Variants in ARMH3 observed in about 807,000 individuals in gnomAD.
ARMH3 encodes armadillo like helical domain containing 3, also known as armadillo-like helical domain-containing protein 3.
In ARMH3, 60 loss-of-function variants were observed where a neutral mutation model predicts 99.1. The observed-to-expected ratio is 0.61, with a 90% CI of 0.49 to 0.75. The LOEUF (loss-of-function observed/expected upper bound fraction) is 0.75. Among genes scored for constraint, ARMH3 ranks in the 30% least tolerant of loss-of-function variants. The pLI is 0.00. For synonymous variants in ARMH3, 285 were observed against 292.8 expected (o/e 0.97, Z 0.27); for missense variants, 679 against 843.1 (o/e 0.81, Z 2.41).
At chr10:102,029,409 C>G in intron 5 of ARMH3, 7 of 1,496,778 alleles carry the variant, frequency 4.7e-6, no homozygotes, top group Non-Finnish European at 6.3e-6. Context: ...ATAAACTATT[C>G]TGTCTTTATC....
At position 101,847,275 on chromosome 10, in the gene ARMH3, ACT is replaced by A; in HGVS notation, c.*251_*252del. 2.3e-6 allele frequency: 1 copy of A among 441,816 alleles called. No individual in the cohort carries two copies. Among genetic ancestry groups the A allele is most frequent in the Non-Finnish European group, 4.2e-6 (1 of 240,892 alleles). 27.4% of individuals were successfully genotyped at this position (441,816 alleles called of 1,614,324 possible). A position where few individuals can be genotyped will look rare whatever the true frequency, so the allele number is the denominator to read the frequency against. On this transcript the variant is annotated 3_prime_UTR_variant, in exon 26 of 26. Coordinates refer to ENST00000370033, the MANE Select transcript of ARMH3 (RefSeq NM_024541.3). ...ATGTGAGGGGCTGTTTAGGGAGCCC[ACT>A]CTGGAAGTCCCCACATTCCTGGAGG...
intron 23 of ARMH3, among the ~76,000 whole-genome samples, chr10:101,893,202 T>C (rs919535588): frequency 6.6e-6 from 1 of 152,148 alleles, no homozygotes; most frequent in Non-Finnish European, 1.5e-5. Context: ...GTCTGAGTCA[T>C]AGGGTTTAGT....
At chr10:101,945,313 G>A (rs1039398245) in intron 22 of ARMH3, among the ~76,000 whole-genome samples, 5 of 152,196 alleles carry the variant, frequency 3.3e-5, no homozygotes, top group African/African-American at 9.6e-5. Flanking sequence ...CAGGCGCAGT[G>A]CCTCGTGCCT....
At chr10:102,019,396 T>C (rs2066825246) in intron 8 of ARMH3, among the ~76,000 whole-genome samples, 1 of 151,698 alleles carries the variant, frequency 6.6e-6, no homozygotes, top group Admixed American at 6.6e-5. Flanking sequence ...CTTCTACTTA[T>C]TTAAAAAAAA....
intron 13 of ARMH3, among the ~76,000 whole-genome samples, chr10:102,007,833 CAA>C (rs529858697): frequency 6.3e-3 from 310 of 48,980 alleles, no homozygotes; most frequent in South Asian, 0.02. Flanking sequence ...ACACCATCTC[CAA>C]AAAAAAAAAA....
chr10:102,013,691 G>A lies in ARMH3; in HGVS notation c.726+277C>T, dbSNP rs192837271. ...CTTGAATGTGTAATTTATTGACATCGTAGGATAATCAACTTCAGCACACTA... is the reference window on the plus strand; with the variant it reads ...CTTGAATGTGTAATTTATTGACATCATAGGATAATCAACTTCAGCACACTA... On this transcript the variant is annotated intron_variant, in intron 9 of 25. Coordinates refer to ENST00000370033, the MANE Select transcript of ARMH3 (RefSeq NM_024541.3). Among the ~76,000 whole-genome samples, 13 of 152,218 alleles carry A rather than the reference G, an allele frequency of 8.5e-5. No individual in the cohort carries two copies. In the East Asian group the frequency reaches 1.5e-3, roughly 18 times the overall value.
chr10:101,988,087 G>A (rs1197797964), intron 19 of ARMH3, among the ~76,000 whole-genome samples: 4 of 152,168 alleles, frequency 2.6e-5, no homozygotes, highest in Non-Finnish European at 4.4e-5. Context: ...GAAACTGTGA[G>A]GTGATAAATG....
intron 20 of ARMH3, among the ~76,000 whole-genome samples, chr10:101,965,116 A>C (rs1235347350): frequency 1.3e-5 from 2 of 152,218 alleles, no homozygotes; most frequent in East Asian, 1.9e-4. Context: ...GCACAATGTG[A>C]ATATACTTAA....
chr10:101,979,766 A>C (rs891040788), intron 19 of ARMH3, among the ~76,000 whole-genome samples: 22 of 152,212 alleles, frequency 1.4e-4, no homozygotes, highest in African/African-American at 4.6e-4. Flanking sequence ...TGATTAAGCC[A>C]TTAAATGTCC....
intron 14 of ARMH3, among the ~76,000 whole-genome samples, chr10:102,002,303 G>A (rs1285024741): frequency 6.6e-6 from 1 of 152,084 alleles, no homozygotes; most frequent in East Asian, 1.9e-4. Context: ...TCTAGGGCCA[G>A]TCTCCAAGAA....
intron 24 of ARMH3, among the ~76,000 whole-genome samples, chr10:101,887,682 C>T (rs1054188518): frequency 6.7e-6 from 1 of 150,016 alleles, no homozygotes; most frequent in African/African-American, 2.5e-5. Context: ...ATCTGCCCAC[C>T]TCAGCCTCCC....
intron 24 of ARMH3, among the ~76,000 whole-genome samples, chr10:101,867,476 A>T (rs2067030262): frequency 6.6e-6 from 1 of 152,160 alleles, no homozygotes; most frequent in Admixed American, 6.5e-5. Flanking sequence ...AGAAAACCCA[A>T]TTGGAGAGAA....
chr10:102,013,782 GATA>G (rs1458135712), intron 9 of ARMH3, among the ~76,000 whole-genome samples, 183 bp downstream of exon 9: 1 of 152,166 alleles, frequency 6.6e-6, no homozygotes, highest in Admixed American at 6.5e-5. Flanking sequence ...TTCCTTCCAT[GATA>G]ATAAGTCAGA....
chr10:102,036,525 ACTGGGAGGGGTTCTT>A (rs2067277512), intron 2 of ARMH3, among the ~76,000 whole-genome samples: 1 of 152,144 alleles, frequency 6.6e-6, no homozygotes, highest in Admixed American at 6.5e-5. Flanking sequence ...TTTGTTCTGT[ACTGGGAGGGGTTCTT>A]CTGCCTTGGG....
chr10:102,032,089 T>A (rs112945513), intron 4 of ARMH3, among the ~76,000 whole-genome samples: 28 of 152,302 alleles, frequency 1.8e-4, no homozygotes, highest in African/African-American at 6.3e-4. Context: ...GTACTCTCAA[T>A]CTAGACTATA....
At position 102,014,005 on chromosome 10, in the gene ARMH3, A is replaced by G. The variant is rs1042435200; in HGVS notation, c.689T>C (p.Val230Ala). 11 of 1,611,604 alleles carry G rather than the reference A, an allele frequency of 6.8e-6. No individual in the cohort carries two copies. In the African/African-American group the frequency reaches 1.2e-4, roughly 18 times the overall value. ...RKYESVNPYI[V>A]KLSIVDDEAT... ...CTCATCATCCACGATAGACAGCTTC[A>G]CAATATAAGGATTCACAGACTGTTA... is the stretch of plus-strand genomic sequence containing the variant. Residue 230 changes from valine (V) to alanine (A), a missense_variant, in exon 9 of 26, where the codon GTG (valine) becomes GCG (alanine). Val to Ala is a moderately conservative substitution (Grantham distance 64, BLOSUM62 0). Coordinates refer to ENST00000370033, the MANE Select transcript of ARMH3 (RefSeq NM_024541.3).
chr10:102,021,549 A>AT lies in ARMH3; in HGVS notation c.669+1927dup, dbSNP rs879374407. Among the ~76,000 whole-genome samples the AT allele has an allele frequency of 3.0e-3, 420 of 141,092 alleles. 1 individual carries two copies. The highest frequency in any genetic ancestry group is 3.8e-3 in the Middle Eastern group (1 of 266). The allele number at this position is 141,092 out of a possible 152,430, so 92.6% of individuals were successfully genotyped here. On this transcript the variant is annotated intron_variant, in intron 8 of 25. Transcript: ENST00000370033. ...AGATGCATATCACCACAACCAGCTAATTTTTTTTTTTTTTTTGAGACGGAG... is the reference window on the plus strand; with the variant it reads ...AGATGCATATCACCACAACCAGCTAATTTTTTTTTTTTTTTTTGAGACGGAG...
rs1564699470 is a variant in ARMH3, at chr10:101,864,108, A to ACACACAC, written c.1861-14217_1861-14216insGTGTGTG. ...ACACACACACACACACACACACACA[A>ACACACAC]AAACCAGACAATTCTCAAAAGAAGA... On this transcript the variant is annotated intron_variant, in intron 24 of 25. Coordinates refer to ENST00000370033, the MANE Select transcript of ARMH3 (RefSeq NM_024541.3). 2.0e-5 allele frequency among the ~76,000 whole-genome samples: 3 copies of ACACACAC among 146,806 alleles called. No homozygotes were observed. The Admixed American group carries it at 2.1e-4, about 10-fold the overall frequency.
At chr10:101,914,894 A>C (rs1843014470) in intron 23 of ARMH3, among the ~76,000 whole-genome samples, 2 of 148,812 alleles carry the variant, frequency 1.3e-5, no homozygotes. Flanking sequence ...AAGCAAACTT[A>C]TAATGCCATC....
Sources: allele counts gnomAD v4.1 joint callset (sites outside exome capture counted in the v4.1 genomes callset), GRCh38; gene constraint gnomAD v4.1.1; transcripts MANE v1.5; gene names NCBI Gene and HGNC (gene_info 2026-07-23, HGNC 2026-07-21).